ARHGAP15: variants seen among roughly 807,000 people sequenced by gnomAD.
ARHGAP15 encodes Rho GTPase activating protein 15, also known as rho GTPase-activating protein 15.
Under a neutral mutation model 63.7 loss-of-function variants are expected in ARHGAP15, and 51 were observed. The observed-to-expected ratio is 0.80, with a 90% CI of 0.64 to 1.01. The LOEUF (loss-of-function observed/expected upper bound fraction) is 1.01. ARHGAP15 is among the 50% of genes least tolerant of loss of function. The pLI is 0.00. For missense variants in ARHGAP15, 560 were observed against 564.6 expected (o/e 0.99, Z 0.08); for synonymous variants, 191 against 193.8 (o/e 0.99, Z 0.12).
intron 12 of ARHGAP15, among the ~76,000 whole-genome samples, chr2:143,642,936 G>A (rs1323544794): frequency 6.6e-6 from 1 of 152,116 alleles, no homozygotes; most frequent in Non-Finnish European, 1.5e-5. Flanking sequence ...AGCAGATACA[G>A]TTAATCCAGT....
chr2:143,468,633 TGA>T lies in ARHGAP15; in HGVS notation c.704-18710_704-18709del, dbSNP rs60106286. On this transcript the variant is annotated intron_variant, in intron 8 of 13. Transcript: ENST00000295095. Reference sequence around the variant, plus strand: ...CCATAGGTTGCTATGGGTTTCTTTGTGAGAGAGAGAGAGAGAGAGAGAGAGAG... The same window carrying T: ...CCATAGGTTGCTATGGGTTTCTTTGTGAGAGAGAGAGAGAGAGAGAGAGAG... 9.5e-3 allele frequency among the ~76,000 whole-genome samples: 1,284 copies of T among 135,136 alleles called. 3 individuals carry two copies. Among genetic ancestry groups the T allele is most frequent in the Middle Eastern group, 0.018 (5 of 278 alleles). The allele number at this position is 135,136 out of a possible 152,430, so 88.7% of individuals were successfully genotyped here.
chr2:143,459,845 A>T (rs921767044), intron 8 of ARHGAP15, among the ~76,000 whole-genome samples: 1 of 152,130 alleles, frequency 6.6e-6, no homozygotes, highest in Non-Finnish European at 1.5e-5. Context: ...TAAGTTTTCA[A>T]AGAAAATTGT....
intron 13 of ARHGAP15, among the ~76,000 whole-genome samples, chr2:143,707,317 T>C (rs1684374360): frequency 1.3e-5 from 2 of 152,232 alleles, no homozygotes; most frequent in Non-Finnish European, 2.9e-5. Context: ...CAGTCAGCCA[T>C]AGAGATACAT....
chr2:143,653,285 T>TG (rs1322940053), intron 12 of ARHGAP15, among the ~76,000 whole-genome samples: 3 of 152,148 alleles, frequency 2.0e-5, no homozygotes, highest in Admixed American at 2.0e-4. Flanking sequence ...AGAATTTTCA[T>TG]ATCTATATTT....
chr2:143,615,928 T>C (rs1164742249), intron 11 of ARHGAP15, among the ~76,000 whole-genome samples: 4 of 152,134 alleles, frequency 2.6e-5, no homozygotes, highest in Non-Finnish European at 5.9e-5. Flanking sequence ...CAAAAAGCCT[T>C]TGACTGAATG....
At chr2:143,572,723 A>AT (rs1468685916) in intron 11 of ARHGAP15, among the ~76,000 whole-genome samples, 1 of 152,082 alleles carries the variant, frequency 6.6e-6, no homozygotes, top group African/African-American at 2.4e-5. Flanking sequence ...TCATATGTGT[A>AT]TTTTTACTTC....
In ARHGAP15 at chr2:143,228,669, GT is replaced by G; in HGVS notation, c.384+2del. On this transcript the variant is annotated splice_donor_variant, in intron 5 of 13. Coordinates refer to ENST00000295095, the MANE Select transcript of ARHGAP15 (RefSeq NM_018460.4). LOFTEE classifies it high-confidence loss of function. ...CAAGCAACAGGCTCTGTCCAATATG[GT>G]AAGTAATTCTCTGTTTCTATTGTTA... 1 of 1,546,014 alleles carries G rather than the reference GT, an allele frequency of 6.5e-7. No homozygotes were observed.
intron 6 of ARHGAP15, among the ~76,000 whole-genome samples, chr2:143,257,154 A>G (rs1680469252): frequency 6.6e-6 from 1 of 152,162 alleles, no homozygotes; most frequent in Non-Finnish European, 1.5e-5. Flanking sequence ...CTCACTAGTC[A>G]AAGCCTTAGA....
intron 6 of ARHGAP15, among the ~76,000 whole-genome samples, chr2:143,416,691 A>G (rs1688692300): frequency 6.6e-6 from 1 of 152,064 alleles, no homozygotes; most frequent in African/African-American, 2.4e-5. Context: ...TGGAGCTTTT[A>G]GTGCATCTGT....
chr2:143,228,587 C>T lies in ARHGAP15; in HGVS notation c.303C>T (p.Asn101=). The change falls in exon 5 of 14, where the codon AAC becomes AAT. Residue 101 remains asparagine, a synonymous_variant. Coordinates refer to ENST00000295095, the MANE Select transcript of ARHGAP15 (RefSeq NM_018460.4). ...IADGGKKLRK[N]WSTSWIVLSS... ...TTTATTTTTTTGTCCTAAGGAAAAA[C>T]TGGTCTACTTCCTGGATTGTTCTTT... 1 of 1,602,780 alleles carries T rather than the reference C, an allele frequency of 6.2e-7. No homozygotes were observed. The highest frequency in any genetic ancestry group is 8.5e-7 in the Non-Finnish European group (1 of 1,174,660).
intron 8 of ARHGAP15, among the ~76,000 whole-genome samples, chr2:143,439,024 GAA>G (rs994336598): frequency 2.6e-5 from 4 of 150,950 alleles, no homozygotes; most frequent in Non-Finnish European, 4.4e-5. Flanking sequence ...AGATGCTGCT[GAA>G]AAAAAAATCT....
intron 1 of ARHGAP15, among the ~76,000 whole-genome samples, chr2:143,151,948 C>T (rs1183806090): frequency 1.3e-5 from 2 of 151,932 alleles, no homozygotes; most frequent in Admixed American, 6.6e-5. Context: ...GTTAGATTTC[C>T]ATCCTCAACT....
chr2:143,643,462 C>T (rs1462677750), intron 12 of ARHGAP15, among the ~76,000 whole-genome samples: 2 of 126,592 alleles, frequency 1.6e-5, no homozygotes, highest in Non-Finnish European at 3.2e-5. Context: ...TAGAGTGTTA[C>T]TGAAAGTATA....
intron 6 of ARHGAP15, among the ~76,000 whole-genome samples, chr2:143,328,585 G>T (rs534352244): frequency 6.6e-6 from 1 of 152,078 alleles, no homozygotes; most frequent in Non-Finnish European, 1.5e-5. Flanking sequence ...AGCCTGTCAG[G>T]GGGTAGGGGA....
At chr2:143,262,535 A>ATTTTTTTTTG (rs1680775143) in intron 6 of ARHGAP15, among the ~76,000 whole-genome samples, 1 of 90,924 alleles carries the variant, frequency 1.1e-5, no homozygotes, top group Non-Finnish European at 2.1e-5. Context: ...TGAACCTTTG[A>ATTTTTTTTTG]TTTTTTTTTT....
At chr2:143,242,870 T>A (rs1693915069) in intron 5 of ARHGAP15, among the ~76,000 whole-genome samples, 1 of 152,194 alleles carries the variant, frequency 6.6e-6, no homozygotes, top group Non-Finnish European at 1.5e-5. Context: ...TTTTCCAGAA[T>A]CAAAACCAGT....
At chr2:143,404,548 T>C (rs145507024) in intron 6 of ARHGAP15, among the ~76,000 whole-genome samples, 245 of 152,122 alleles carry the variant, frequency 1.6e-3, no homozygotes, top group African/African-American at 5.9e-3. Context: ...AAGTATCTGA[T>C]ACTGCATGTG....
At chr2:143,211,792 A>G (rs1692571630) in intron 3 of ARHGAP15, among the ~76,000 whole-genome samples, 3 of 152,128 alleles carry the variant, frequency 2.0e-5, no homozygotes, top group Admixed American at 1.3e-4. Context: ...CACAGTACAT[A>G]ATAGGGAATA....
intron 5 of ARHGAP15, among the ~76,000 whole-genome samples, chr2:143,233,792 G>A (rs373683546): frequency 1.3e-5 from 2 of 151,492 alleles, no homozygotes; most frequent in East Asian, 1.9e-4. Context: ...TTACAGACAC[G>A]CACCACCAAG....
Sources: allele counts gnomAD v4.1 joint callset (sites outside exome capture counted in the v4.1 genomes callset), GRCh38; gene constraint gnomAD v4.1.1; transcripts MANE v1.5; gene names NCBI Gene and HGNC (gene_info 2026-07-23, HGNC 2026-07-21).